Variants in SCNN1G observed in about 807,000 individuals in gnomAD.
SCNN1G encodes epithelial sodium channel subunit gamma.
SCNN1G carries 27 observed loss-of-function variants against 64.6 expected under a neutral mutation model. The observed-to-expected ratio is 0.42, with a 90% CI of 0.31 to 0.58. SCNN1G has a LOEUF of 0.58. Among genes scored for constraint, SCNN1G ranks in the 20% least tolerant of loss-of-function variants. SCNN1G has a pLI of 0.18. For synonymous variants in SCNN1G, 330 were observed against 314.2 expected (o/e 1.05, Z -0.53); for missense variants, 743 against 823.4 (o/e 0.90, Z 1.19).
chr16:23,188,765 A>G (rs1596762561), intron 2 of SCNN1G, among the ~76,000 whole-genome samples: 2 of 152,272 alleles, frequency 1.3e-5, no homozygotes, highest in Admixed American at 1.3e-4. Context: ...CTATGCCTAG[A>G]GCAAGTGGGA....
chr16:23,204,334 T>TATAGAGAGAGAG (rs1567267153), intron 6 of SCNN1G, among the ~76,000 whole-genome samples: 2 of 15,174 alleles, frequency 1.3e-4, no homozygotes, highest in Non-Finnish European at 2.2e-4. Flanking sequence ...TATATATATA[T>TATAGAGAGAGAG]AGAGAGAGAG....
At chr16:23,194,035 A>C (rs1959754719) in intron 4 of SCNN1G, 136 bp from the exon 5 acceptor site, 2 of 715,754 alleles carry the variant, frequency 2.8e-6, no homozygotes, top group Non-Finnish European at 2.6e-6. Context: ...TTTGATCAGG[A>C]GCAAGATGGG....
At chr16:23,205,098 C>T (rs1959968446) in intron 6 of SCNN1G, among the ~76,000 whole-genome samples, 1 of 152,156 alleles carries the variant, frequency 6.6e-6, no homozygotes, top group Non-Finnish European at 1.5e-5. Flanking sequence ...CAAGCATGAG[C>T]TATCATGCCT....
intron 6 of SCNN1G, among the ~76,000 whole-genome samples, chr16:23,207,406 A>G (rs1202009627): frequency 6.6e-6 from 1 of 152,234 alleles, no homozygotes; most frequent in Non-Finnish European, 1.5e-5. Context: ...GGAGAAGCTT[A>G]GAGGATGGCA....
At chr16:23,204,815 A>G (rs761068295) in intron 6 of SCNN1G, among the ~76,000 whole-genome samples, 1 of 152,178 alleles carries the variant, frequency 6.6e-6, no homozygotes, top group African/African-American at 2.4e-5. Context: ...CTAAACCATC[A>G]GAATTTTTTT....
chr16:23,196,344 G>A (rs1263095177), intron 5 of SCNN1G: 4 of 152,172 alleles, frequency 2.6e-5, no homozygotes, highest in Non-Finnish European at 4.4e-5. Context: ...GCTTATTGAG[G>A]TGGGGAGACA....
chr16:23,191,164 G>A, intron 3 of SCNN1G, among the ~76,000 whole-genome samples: 1 of 151,982 alleles, frequency 6.6e-6, no homozygotes, highest in East Asian at 1.9e-4. Context: ...CTTGAGAAAT[G>A]CCATTCACTG....
At chr16:23,191,485 G>A (rs967569341) in intron 3 of SCNN1G, among the ~76,000 whole-genome samples, 2 of 152,160 alleles carry the variant, frequency 1.3e-5, no homozygotes, top group Non-Finnish European at 2.9e-5. Flanking sequence ...GGTGGGAGTG[G>A]TGCAATCATA....
chr16:23,198,257 G>T lies in SCNN1G; in HGVS notation c.1077+830G>T, dbSNP rs137897658. On this transcript the variant is annotated intron_variant, in intron 6 of 12. Transcript: ENST00000300061. ...CTATCAACAGAAGCACAAGTAAGCC[G>T]CAGACTCCAATCCCCGAGTCAGCCT... Among the ~76,000 whole-genome samples, 139 of 152,276 alleles carry T rather than the reference G, an allele frequency of 9.1e-4. 1 individual carries two copies. Among genetic ancestry groups the T allele is most frequent in the African/African-American group, 3.2e-3 (133 of 41,574 alleles).
intron 2 of SCNN1G, among the ~76,000 whole-genome samples, chr16:23,187,906 C>A (rs150167525): frequency 6.6e-6 from 1 of 152,178 alleles, no homozygotes; most frequent in Non-Finnish European, 1.5e-5. Flanking sequence ...TCAAACGAAA[C>A]TAACTTGTCC....
chr16:23,214,089 G>T (rs1960122387), intron 11 of SCNN1G, among the ~76,000 whole-genome samples: 1 of 152,216 alleles, frequency 6.6e-6, no homozygotes, highest in South Asian at 2.1e-4. Context: ...CAATGGTTAA[G>T]AGCATGGACT....
chr16:23,193,069 CAAAAAAAAAAAAAA>C (rs56318076), intron 4 of SCNN1G, among the ~76,000 whole-genome samples: 4 of 69,120 alleles, frequency 5.8e-5, no homozygotes, highest in South Asian at 5.4e-4. Context: ...ACTCTTGTCT[CAAAAAAAAAAAAAA>C]AAAAAAAAAA....
At chr16:23,210,129 A>T (rs1386364185) in intron 7 of SCNN1G, among the ~76,000 whole-genome samples, 2 of 152,194 alleles carry the variant, frequency 1.3e-5, no homozygotes, top group Non-Finnish European at 2.9e-5. Flanking sequence ...AACAGGAAAG[A>T]AGCGGTCTGG....
At chr16:23,214,852 T>C (rs1960134550) in intron 12 of SCNN1G, 65 bp downstream of exon 12, 4 of 1,397,716 alleles carry the variant, frequency 2.9e-6, no homozygotes, top group Non-Finnish European at 4.1e-6. Context: ...CTTCCTGGCC[T>C]TGGGGAGCAG....
intron 1 of SCNN1G, among the ~76,000 whole-genome samples, chr16:23,185,135 A>T (rs1188369936): frequency 6.6e-6 from 1 of 152,144 alleles, no homozygotes; most frequent in African/African-American, 2.4e-5. Context: ...CAGCTCCTCC[A>T]CTAACCAGCT....
In SCNN1G at chr16:23,189,463, GCCGAGAGGCGGAGTCCTGGAACT is replaced by G; in HGVS notation, c.414_436del (p.Glu139LeufsTer7). 6.2e-7 allele frequency: 1 copy of G among 1,614,180 alleles called. No homozygotes were observed. The highest frequency in any genetic ancestry group is 8.5e-7 in the Non-Finnish European group (1 of 1,180,024). On this transcript the variant is annotated frameshift_variant, in exon 3 of 13. Transcript: ENST00000300061. LOFTEE classifies it high-confidence loss of function. ...TATGGCTTTCCAGAGTCCCGGAAGC[GCCGAGAGGCGGAGTCCTGGAACT>G]CCGTCTCAGAGGGAAAGCAGCCTAG...
intron 8 of SCNN1G, 78 bp downstream of exon 8, chr16:23,212,229 C>T: frequency 1.1e-6 from 1 of 911,910 alleles, no homozygotes; most frequent in Non-Finnish European, 1.8e-6. Context: ...ACTCCTGGGA[C>T]TCCACCCCTG....
intron 10 of SCNN1G, 40 bp from the exon 11 acceptor site, chr16:23,213,062 T>G: frequency 1.9e-6 from 3 of 1,592,166 alleles, no homozygotes; most frequent in Non-Finnish European, 2.6e-6. Context: ...CCCTAGCCTC[T>G]CAGGCACCCT....
rs1324402320 is a variant in SCNN1G at position 23,192,537 on chromosome 16, T to C, written c.804T>C (p.Asp268=). The change falls in exon 4 of 13, where the codon GAT becomes GAC. Residue 268 remains aspartate, a synonymous_variant. Transcript: ENST00000300061. ...VTCFFDGVSC[D]ARNFTLFHHP... is the part of the protein sequence containing the mutation. ...GCTTCTTTGATGGAGTGTCCTGTGA[T>C]GCCAGGTCAGGAGAGAATGCTGCTC... The C allele has an allele frequency of 1.2e-6, 2 of 1,611,428 alleles. No individual in the cohort carries two copies. Among genetic ancestry groups the C allele is most frequent in the Non-Finnish European group, 1.7e-6 (2 of 1,179,540 alleles).
Sources: allele counts gnomAD v4.1 joint callset (sites outside exome capture counted in the v4.1 genomes callset), GRCh38; gene constraint gnomAD v4.1.1; transcripts MANE v1.5; gene names NCBI Gene and HGNC (gene_info 2026-07-23, HGNC 2026-07-21).